Variants in NBPF14 observed in about 807,000 individuals in gnomAD.
NBPF14 encodes the protein NBPF family member NBPF14.
Under a neutral mutation model 91.2 loss-of-function variants are expected in NBPF14, and 104 were observed. That is an observed-to-expected ratio of 1.14 (90% CI 0.97 to 1.34). The LOEUF (loss-of-function observed/expected upper bound fraction) is 1.34. Ranked by LOEUF, NBPF14 falls within the 40% of genes most tolerant of loss-of-function variation. The pLI, the probability that NBPF14 is intolerant of heterozygous loss-of-function variation, is 0.00. For missense variants in NBPF14, 908 were observed against 783.0 expected (o/e 1.16, Z -1.91); for synonymous variants, 294 against 303.8 (o/e 0.97, Z 0.34).
intron 39 of NBPF14, among the ~76,000 whole-genome samples, chr1:148,557,752 G>C (rs1656934148): frequency 1.6e-5 from 2 of 125,850 alleles, no homozygotes; most frequent in Non-Finnish European, 3.2e-5. Context: ...CATTCTGGTA[G>C]ATCGTTATCC....
intron 12 of NBPF14, among the ~76,000 whole-genome samples, chr1:148,579,775 G>C (rs2149546949): frequency 6.6e-6 from 1 of 152,168 alleles, no homozygotes; most frequent in East Asian, 1.9e-4. Flanking sequence ...ACATGGGAGA[G>C]AATAGGCAAC....
chr1:148,576,782 CTG>C (rs1218369712), intron 15 of NBPF14, among the ~76,000 whole-genome samples: 1 of 149,094 alleles, frequency 6.7e-6, no homozygotes, highest in Non-Finnish European at 1.5e-5. Context: ...AGGAGAAAAA[CTG>C]CACTATTCAG....
intron 34 of NBPF14, among the ~76,000 whole-genome samples, 198 bp from the exon 35 acceptor site, chr1:148,561,777 AC>A (rs1657784838): frequency 6.9e-5 from 3 of 43,418 alleles, no homozygotes; most frequent in Admixed American, 1.7e-4. Flanking sequence ...AGACAGATAG[AC>A]ACACACACAC....
intron 20 of NBPF14, among the ~76,000 whole-genome samples, 161 bp from the exon 21 acceptor site, chr1:148,572,776 G>A (rs1193673713): frequency 2.8e-5 from 2 of 71,140 alleles, no homozygotes; most frequent in African/African-American, 1.8e-4. Flanking sequence ...ATAGAACAGG[G>A]CCAGATAGAA....
At chr1:148,566,113 T>A in intron 29 of NBPF14, 30 bp downstream of exon 29, 5 of 459,472 alleles carry the variant, frequency 1.1e-5, no homozygotes, top group Non-Finnish European at 1.5e-5. Flanking sequence ...ACTCAGTGGA[T>A]CCTTATCACC....
intron 14 of NBPF14, 48 bp from the exon 15 acceptor site, chr1:148,577,403 C>T: frequency 3.1e-6 from 2 of 650,844 alleles, no homozygotes; most frequent in Non-Finnish European, 5.6e-6. Context: ...GAATCAGAAA[C>T]CACACAGCCC....
In NBPF14 at chr1:148,593,377, T is replaced by G. The variant is rs1244642076; in HGVS notation, c.278+221A>C. Among the ~76,000 whole-genome samples the G allele has an allele frequency of 1.3e-5, 2 of 148,530 alleles. 1 individual carries two copies. Among genetic ancestry groups the G allele is most frequent in the Non-Finnish European group, 3.0e-5 (2 of 66,348 alleles). ...GTTATGTAAATTTCACCTCAACAAT[T>G]ACTTGTTTGAAAAAGAGAAAACAAG... On this transcript the variant is annotated intron_variant, in intron 3 of 70. Coordinates refer to ENST00000619423, the Ensembl canonical transcript of NBPF14.
chr1:148,566,310 C>G, exon 29 of NBPF14: 1 of 728,596 alleles, frequency 1.4e-6, no homozygotes, highest in South Asian at 1.5e-5. Flanking sequence ...CAGCTCCCTG[C>G]TGAGCCTGGA....
exon 8 of NBPF14, chr1:148,587,312 A>G (rs1661715107): frequency 1.9e-6 from 3 of 1,580,678 alleles, no homozygotes; most frequent in African/African-American, 1.4e-5. Context: ...TGAGCTCCTC[A>G]GCTTGCTTCA....
rs1320896795 is a variant in NBPF14, at chr1:148,535,005, G to A, written c.8442-149C>T. On this transcript the variant is annotated intron_variant, in intron 68 of 70. Transcript: ENST00000619423. ...GTAACGAATTATTGCCTTTATGTTG[G>A]GATAGACCAGGGCCAGGTAGAAAAG... 171 of 705,164 alleles carry A rather than the reference G, an allele frequency of 2.4e-4. 1 individual carries two copies. Among genetic ancestry groups the A allele is most frequent in the Middle Eastern group, 1.5e-3 (4 of 2,720 alleles). 43.7% of individuals were successfully genotyped at this position (705,164 alleles called of 1,614,324 possible).
intron 69 of NBPF14, among the ~76,000 whole-genome samples, chr1:148,534,206 G>A (rs587625390): frequency 6.6e-6 from 1 of 150,580 alleles, no homozygotes; most frequent in African/African-American, 2.5e-5. Flanking sequence ...AATATCATTT[G>A]TCCCAAGTTT....
intron 14 of NBPF14, among the ~76,000 whole-genome samples, chr1:148,577,723 G>A (rs1404570913): frequency 7.0e-6 from 1 of 143,530 alleles, no homozygotes; most frequent in Non-Finnish European, 1.5e-5. Context: ...CATAAAATGT[G>A]CTCAAGTTTC....
chr1:148,578,517 C>A (rs1262283421), intron 13 of NBPF14, among the ~76,000 whole-genome samples: 6 of 91,880 alleles, frequency 6.5e-5, no homozygotes, highest in Middle Eastern at 4.2e-3. Flanking sequence ...GGTGAAAAGT[C>A]AGCCATTTAT....
intron 12 of NBPF14, among the ~76,000 whole-genome samples, chr1:148,579,873 AAACT>A (rs1293689729): frequency 1.9e-4 from 29 of 152,304 alleles, no homozygotes; most frequent in Non-Finnish European, 3.7e-4. Flanking sequence ...GTTACAAGGA[AAACT>A]AACACAGAGA....
intron 40 of NBPF14, among the ~76,000 whole-genome samples, chr1:148,557,101 G>A (rs1333201979): frequency 7.9e-6 from 1 of 126,284 alleles, no homozygotes; most frequent in Non-Finnish European, 1.5e-5. Flanking sequence ...GAGAGAGAGA[G>A]AACGAGCTCA....
At chr1:148,559,304 T>A (rs1254367374) in intron 37 of NBPF14, among the ~76,000 whole-genome samples, 1 of 121,082 alleles carries the variant, frequency 8.3e-6, no homozygotes, top group Non-Finnish European at 1.6e-5. Flanking sequence ...TATCCCAATA[T>A]CATTTGTCCC....
chr1:148,591,295 T>C, intron 5 of NBPF14, 137 bp downstream of exon 5: 1 of 1,349,502 alleles, frequency 7.4e-7, no homozygotes, highest in Non-Finnish European at 1.1e-6. Flanking sequence ...ACCCTGTGTC[T>C]AAGCTGGGTT....
At chr1:148,535,106 A>G (rs1175573784) in intron 68 of NBPF14, among the ~76,000 whole-genome samples, 1 of 146,416 alleles carries the variant, frequency 6.8e-6, no homozygotes, top group Non-Finnish European at 1.5e-5. Context: ...CGGGTGACAC[A>G]CTGATGAAGG....
intron 34 of NBPF14, among the ~76,000 whole-genome samples, 188 bp from the exon 35 acceptor site, chr1:148,561,767 A>G (rs1459329685): frequency 5.5e-5 from 6 of 108,650 alleles, no homozygotes; most frequent in Non-Finnish European, 9.8e-5. Context: ...TGAAAGAGAA[A>G]GACAGATAGA....
Sources: gnomAD v4.1 joint callset for allele counts (sites outside exome capture counted in the v4.1 genomes callset) on GRCh38, gnomAD v4.1.1 for gene constraint, MANE v1.5 for transcripts, NCBI Gene and HGNC (gene_info 2026-07-23, HGNC 2026-07-21) for gene names.